The following KCNIP4 variants were observed in gnomAD, a reference collection of about 807,000 sequenced individuals.
The protein encoded by KCNIP4 is potassium voltage-gated channel interacting protein 4.
KCNIP4 carries 12 observed loss-of-function variants against 34.0 expected under a neutral mutation model. The ratio of observed to expected loss-of-function variants is 0.35; its 90% confidence interval spans 0.23 to 0.57. The LOEUF is 0.57. KCNIP4 is among the 20% of genes least tolerant of loss of function. KCNIP4 has a pLI of 0.83. For synonymous variants in KCNIP4, 124 were observed against 102.2 expected, an observed-to-expected ratio of 1.21 and a Z score of -1.29; for missense variants, 238 against 311.7, an observed-to-expected ratio of 0.76 and a Z score of 1.78.
At chr4:21,613,255 A>C (rs115332912) in intron 1 of KCNIP4, 129 of 152,300 alleles carry the variant, frequency 8.5e-4, no homozygotes, top group African/African-American at 3.0e-3. Flanking sequence ...GACATTGTAG[A>C]AATGGCACCA....
chr4:21,373,698 G>A lies in KCNIP4; in HGVS notation c.62-490989C>T, dbSNP rs143875806. Among the ~76,000 whole-genome samples the A allele has an allele frequency of 1.3e-3, 187 of 146,836 alleles. 34 individuals carry two copies. The highest frequency in any genetic ancestry group is 5.0e-3 in the African/African-American group (183 of 36,746). On this transcript the variant is annotated intron_variant, in intron 1 of 8. Transcript: ENST00000382152. ...GGGTTTCTCATTTTCATTTTATCTT[G>A]TTTATTTATTTATTTATTTATTTTG...
intron 1 of KCNIP4, among the ~76,000 whole-genome samples, chr4:21,097,543 C>T (rs904295704): frequency 6.6e-6 from 1 of 152,014 alleles, no homozygotes; most frequent in African/African-American, 2.4e-5. Context: ...ACAATATTTA[C>T]AACTTTTTCA....
chr4:21,101,872 T>A (rs1416296095), intron 1 of KCNIP4, among the ~76,000 whole-genome samples: 1 of 152,210 alleles, frequency 6.6e-6, no homozygotes, highest in Non-Finnish European at 1.5e-5. Flanking sequence ...AACTATGATT[T>A]AAGTGTATGC....
At chr4:20,959,205 TC>T (rs1733615552) in intron 1 of KCNIP4, among the ~76,000 whole-genome samples, 1 of 152,188 alleles carries the variant, frequency 6.6e-6, no homozygotes, top group Non-Finnish European at 1.5e-5. Context: ...GTGACATGGT[TC>T]ACCTCTTGGC....
chr4:21,797,828 A>G (rs746851813), intron 1 of KCNIP4, among the ~76,000 whole-genome samples: 1 of 152,146 alleles, frequency 6.6e-6, no homozygotes, highest in South Asian at 2.1e-4. Flanking sequence ...AAATGGTTTG[A>G]TAGGATAGCT....
chr4:20,842,577 A>G (rs1025920674), intron 3 of KCNIP4, among the ~76,000 whole-genome samples: 61 of 94,612 alleles, frequency 6.4e-4, no homozygotes, highest in Non-Finnish European at 1.1e-3. Context: ...CTCTCTTCTA[A>G]TGGCAAAAAA....
intron 1 of KCNIP4, among the ~76,000 whole-genome samples, chr4:21,538,757 C>T (rs956431562): frequency 6.6e-6 from 1 of 152,186 alleles, no homozygotes; most frequent in Non-Finnish European, 1.5e-5. Flanking sequence ...TGAAATCTCA[C>T]TCAAGGCTCT....
At position 21,148,138 on chromosome 4, in the gene KCNIP4, C is replaced by T. The variant is rs77686703; in HGVS notation, c.62-265429G>A. 3.0e-3 allele frequency among the ~76,000 whole-genome samples: 462 copies of T among 152,062 alleles called. 2 individuals carry two copies. Among genetic ancestry groups the T allele is most frequent in the African/African-American group, 0.011 (440 of 41,480 alleles). ...GGAAACTGCTGCCTAATGGCTTAACCTTTGATGTAATGATTTTCGCTCAGT... is the reference window on the plus strand; with the variant it reads ...GGAAACTGCTGCCTAATGGCTTAACTTTTGATGTAATGATTTTCGCTCAGT... On this transcript the variant is annotated intron_variant, in intron 1 of 8. Transcript: ENST00000382152.
At chr4:21,261,796 T>C (rs532116207) in intron 1 of KCNIP4, among the ~76,000 whole-genome samples, 7 of 152,258 alleles carry the variant, frequency 4.6e-5, no homozygotes, top group African/African-American at 1.7e-4. Context: ...TTAATGCTAC[T>C]GTCACTTCTC....
intron 1 of KCNIP4, among the ~76,000 whole-genome samples, chr4:21,628,837 C>A (rs537312903): frequency 6.6e-6 from 1 of 152,124 alleles, no homozygotes; most frequent in Non-Finnish European, 1.5e-5. Flanking sequence ...ATAAATTATA[C>A]CCATTTACAT....
intron 1 of KCNIP4, among the ~76,000 whole-genome samples, chr4:21,866,023 T>C (rs1236379929): frequency 1.3e-5 from 2 of 151,786 alleles, no homozygotes; most frequent in African/African-American, 4.8e-5. Flanking sequence ...AAAAAATAAA[T>C]CTCAATACAA....
intron 1 of KCNIP4, among the ~76,000 whole-genome samples, chr4:21,696,402 C>G (rs1160365339): frequency 6.6e-6 from 1 of 152,098 alleles, no homozygotes; most frequent in African/African-American, 2.4e-5. Context: ...ATCATCCTTA[C>G]TTACAGTGTG....
chr4:21,893,754 T>C (rs1434611102), intron 1 of KCNIP4, among the ~76,000 whole-genome samples: 3 of 152,186 alleles, frequency 2.0e-5, no homozygotes, highest in Non-Finnish European at 4.4e-5. Context: ...TGTAGCCCAG[T>C]TGTGGAGATG....
intron 1 of KCNIP4, among the ~76,000 whole-genome samples, chr4:21,042,575 G>A (rs10003150): frequency 0.028 from 4,204 of 152,204 alleles, 169 homozygotes; most frequent in African/African-American, 0.095. Context: ...CAATGGCTAC[G>A]AAGCTACAAT....
At chr4:21,763,909 AT>A in intron 1 of KCNIP4, among the ~76,000 whole-genome samples, 1 of 152,210 alleles carries the variant, frequency 6.6e-6, no homozygotes, top group East Asian at 1.9e-4. Flanking sequence ...AACACACAGA[AT>A]TTGGAAGCAG....
At chr4:21,655,362 G>A (rs769867099) in intron 1 of KCNIP4, among the ~76,000 whole-genome samples, 5 of 151,980 alleles carry the variant, frequency 3.3e-5, no homozygotes, top group Non-Finnish European at 5.9e-5. Context: ...GAAATGAGGA[G>A]ACAGGGAACA....
At chr4:21,733,724 T>C (rs964405670) in intron 1 of KCNIP4, among the ~76,000 whole-genome samples, 6 of 152,252 alleles carry the variant, frequency 3.9e-5, no homozygotes, top group Admixed American at 3.9e-4. Flanking sequence ...GAGTGGAGAT[T>C]CTTGTGGGGA....
chr4:21,093,336 C>T (rs977839427), intron 1 of KCNIP4, among the ~76,000 whole-genome samples: 15 of 152,186 alleles, frequency 9.9e-5, no homozygotes, highest in African/African-American at 2.9e-4. Context: ...TGACTTTACT[C>T]GTATTCCAGT....
At chr4:21,477,747 C>T (rs1731106423) in intron 1 of KCNIP4, among the ~76,000 whole-genome samples, 1 of 152,158 alleles carries the variant, frequency 6.6e-6, no homozygotes, top group Non-Finnish European at 1.5e-5. Flanking sequence ...GCACCATGTA[C>T]AGAAGGTGCC....
Sources: allele counts gnomAD v4.1 joint callset (sites outside exome capture counted in the v4.1 genomes callset), GRCh38; gene constraint gnomAD v4.1.1; transcripts MANE v1.5; gene names NCBI Gene and HGNC (gene_info 2026-07-23, HGNC 2026-07-21).